Variants in NDUFAF2 observed in about 807,000 individuals in gnomAD.
NDUFAF2 encodes NADH dehydrogenase [ubiquinone] 1 alpha subcomplex assembly factor 2.
Under a neutral mutation model 22.8 loss-of-function variants are expected in NDUFAF2, and 13 were observed. The observed-to-expected ratio is 0.57, with a 90% CI of 0.37 to 0.91. NDUFAF2 has a LOEUF of 0.91. NDUFAF2 is among the 40% of genes least tolerant of loss of function. NDUFAF2 has a pLI of 0.01. For missense variants in NDUFAF2, 162 were observed against 195.2 expected (o/e 0.83, Z 1.01); for synonymous variants, 53 against 64.2 (o/e 0.83, Z 0.84).
chr5:61,145,180 C>T (rs1170545984), intron 3 of NDUFAF2, among the ~76,000 whole-genome samples: 1 of 152,140 alleles, frequency 6.6e-6, no homozygotes, highest in Non-Finnish European at 1.5e-5. Flanking sequence ...AACAATAATA[C>T]AGCTACCAAA....
intron 2 of NDUFAF2, among the ~76,000 whole-genome samples, chr5:61,081,485 G>A (rs1056813974): frequency 6.6e-6 from 1 of 152,126 alleles, no homozygotes. Flanking sequence ...CCAGTCTCAG[G>A]ATTTGACTTA....
intron 3 of NDUFAF2, among the ~76,000 whole-genome samples, chr5:61,103,557 T>G (rs1752728112): frequency 6.6e-6 from 1 of 152,138 alleles, no homozygotes; most frequent in Non-Finnish European, 1.5e-5. Context: ...GATTATAACT[T>G]ATTCATTTGT....
intron 2 of NDUFAF2, among the ~76,000 whole-genome samples, chr5:61,087,346 C>T (rs555313805): frequency 3.3e-5 from 5 of 152,148 alleles, no homozygotes; most frequent in Admixed American, 6.6e-5. Flanking sequence ...GTTTAAGCCA[C>T]TCAGTCTGTG....
intron 1 of NDUFAF2, among the ~76,000 whole-genome samples, chr5:61,010,336 T>C (rs1248044083): frequency 6.6e-6 from 1 of 152,112 alleles, no homozygotes; most frequent in Non-Finnish European, 1.5e-5. Flanking sequence ...CTGACAAGTA[T>C]TATCTCACTC....
intron 3 of NDUFAF2, chr5:61,146,462 T>C (rs1244443315): frequency 6.6e-6 from 1 of 152,192 alleles, no homozygotes; most frequent in African/African-American, 2.4e-5. Flanking sequence ...TTATAGTAGA[T>C]ATTTGTGACA....
At chr5:61,073,050 A>G in intron 1 of NDUFAF2, 75 bp from the exon 2 acceptor site, 1 of 881,762 alleles carries the variant, frequency 1.1e-6, no homozygotes, top group South Asian at 1.3e-5. Context: ...GGGTTATGCA[A>G]TATTCAAAGA....
At chr5:61,082,027 C>T (rs568699973) in intron 2 of NDUFAF2, among the ~76,000 whole-genome samples, 67 of 152,286 alleles carry the variant, frequency 4.4e-4, no homozygotes, top group Non-Finnish European at 5.0e-4. Flanking sequence ...AACAGAAAGA[C>T]CATACTTCTT....
intron 3 of NDUFAF2, among the ~76,000 whole-genome samples, chr5:61,151,879 A>G (rs996273404): frequency 2.0e-5 from 3 of 152,216 alleles, no homozygotes; most frequent in Admixed American, 2.0e-4. Flanking sequence ...TAATTACTGT[A>G]TTGCATTTAT....
At chr5:61,111,962 T>A (rs1036686203) in intron 3 of NDUFAF2, among the ~76,000 whole-genome samples, 4 of 152,062 alleles carry the variant, frequency 2.6e-5, no homozygotes, top group Non-Finnish European at 5.9e-5. Context: ...TTTCTGCATG[T>A]TGCCCAGGCT....
At chr5:61,086,121 A>C (rs1336962058) in intron 2 of NDUFAF2, among the ~76,000 whole-genome samples, 5 of 151,470 alleles carry the variant, frequency 3.3e-5, no homozygotes, top group Non-Finnish European at 7.4e-5. Flanking sequence ...CCTATCTCTT[A>C]AAAAAAAAGA....
chr5:61,041,472 T>C (rs1751881711), intron 1 of NDUFAF2, among the ~76,000 whole-genome samples: 1 of 152,280 alleles, frequency 6.6e-6, no homozygotes, highest in African/African-American at 2.4e-5. Flanking sequence ...TGGTTTTAAA[T>C]TCTTACAGGC....
At chr5:61,017,552 C>T (rs1016950561) in intron 1 of NDUFAF2, among the ~76,000 whole-genome samples, 1 of 151,944 alleles carries the variant, frequency 6.6e-6, no homozygotes, top group African/African-American at 2.4e-5. Flanking sequence ...TGCACCAGCC[C>T]GTTAGAACTG....
chr5:61,069,443 A>G (rs1372028558), intron 1 of NDUFAF2, among the ~76,000 whole-genome samples: 1 of 152,178 alleles, frequency 6.6e-6, no homozygotes, highest in Non-Finnish European at 1.5e-5. Flanking sequence ...AATTTTTTAA[A>G]TCTATTTTTA....
chr5:61,138,059 G>A (rs1225577482), intron 3 of NDUFAF2, among the ~76,000 whole-genome samples: 1 of 152,244 alleles, frequency 6.6e-6, no homozygotes, highest in Non-Finnish European at 1.5e-5. Context: ...GTTGACAGCT[G>A]CAGACTGTCT....
intron 2 of NDUFAF2, among the ~76,000 whole-genome samples, chr5:61,076,231 C>T (rs1449178042): frequency 6.6e-6 from 1 of 151,880 alleles, no homozygotes; most frequent in Non-Finnish European, 1.5e-5. Flanking sequence ...CCACCACGCC[C>T]GGCTAATTTT....
chr5:61,014,756 G>T (rs756342980), intron 1 of NDUFAF2, among the ~76,000 whole-genome samples: 1 of 152,132 alleles, frequency 6.6e-6, no homozygotes, highest in Admixed American at 6.6e-5. Flanking sequence ...GATTCCAGAA[G>T]TTTAAGTAAA....
intron 2 of NDUFAF2, among the ~76,000 whole-genome samples, chr5:61,084,922 A>G (rs1379559409): frequency 1.3e-5 from 2 of 152,180 alleles, no homozygotes; most frequent in Non-Finnish European, 2.9e-5. Context: ...AACATGACCC[A>G]ATTGACATAG....
At chr5:61,055,495 G>T (rs1752076243) in intron 1 of NDUFAF2, among the ~76,000 whole-genome samples, 1 of 152,126 alleles carries the variant, frequency 6.6e-6, no homozygotes, top group African/African-American at 2.4e-5. Context: ...GGGTGTGAGT[G>T]AGCTGAAATA....
rs192975879 is a variant in NDUFAF2, at chr5:61,072,052, G to A, written c.128-1073G>A. On this transcript the variant is annotated intron_variant, in intron 1 of 3. Transcript: ENST00000296597. ...ACTTCTCACCAACTTTTACTTTACT[G>A]TTCTCTCTGTTTCATGTTTCTGCAT... 2.4e-3 allele frequency among the ~76,000 whole-genome samples: 363 copies of A among 152,182 alleles called. 2 individuals are homozygous for A. The highest frequency in any genetic ancestry group is 8.3e-3 in the African/African-American group (346 of 41,504).
Sources: gnomAD v4.1 joint callset for allele counts (sites outside exome capture counted in the v4.1 genomes callset) on GRCh38, gnomAD v4.1.1 for gene constraint, MANE v1.5 for transcripts, NCBI Gene and HGNC (gene_info 2026-07-23, HGNC 2026-07-21) for gene names.